ARHGEF10L: variants seen among roughly 807,000 people sequenced by gnomAD.
ARHGEF10L encodes Rho guanine nucleotide exchange factor 10 like.
In ARHGEF10L, 69 loss-of-function variants were observed where a neutral mutation model predicts 141.2. The observed-to-expected ratio is 0.49, with a 90% CI of 0.40 to 0.60. The LOEUF (loss-of-function observed/expected upper bound fraction) is 0.60, where lower values mean the gene tolerates loss of function less well. Ranked by LOEUF, ARHGEF10L falls within the 20% of genes least tolerant of loss-of-function variation. The pLI, the probability that ARHGEF10L is intolerant of heterozygous loss-of-function variation, is 0.00. For synonymous variants in ARHGEF10L, 711 were observed against 718.5 expected (o/e 0.99, Z 0.17); for missense variants, 1,482 against 1,734.3 (o/e 0.85, Z 2.58).
chr1:17,552,571 GTTTTTTTTTTTTTTT>G (rs34766409), intron 1 of ARHGEF10L, among the ~76,000 whole-genome samples: 8 of 44,936 alleles, frequency 1.8e-4, no homozygotes, highest in African/African-American at 7.0e-4. Context: ...GCTAATTTTC[GTTTTTTTTTTTTTTT>G]TTTTTTTTTT....
In ARHGEF10L at chr1:17,694,848, G is replaced by A. The variant is rs1010882518; in HGVS notation, c.3185-310G>A. 16 of 522,552 alleles carry A rather than the reference G, an allele frequency of 3.1e-5. No individual in the cohort carries two copies. In the Middle Eastern group the frequency reaches 8.7e-4, roughly 28 times the overall value. The allele number at this position is 522,552 out of a possible 1,614,324, so 32.4% of individuals were successfully genotyped here. The stretch of plus-strand genomic sequence containing the variant: ...ACCCTTTGTGCCGGATGACCTGGCC[G>A]CCGTGTATTGAGAGCGCACACAGAC... On this transcript the variant is annotated intron_variant, in intron 27 of 28. Coordinates refer to ENST00000361221, the MANE Select transcript of ARHGEF10L (RefSeq NM_018125.4).
intron 15 of ARHGEF10L, among the ~76,000 whole-genome samples, chr1:17,628,852 C>G (rs1300540422): frequency 6.6e-6 from 1 of 152,138 alleles, no homozygotes; most frequent in East Asian, 1.9e-4. Context: ...TAACCTGCAT[C>G]AGCATCTTTG....
intron 9 of ARHGEF10L, chr1:17,618,460 A>T: frequency 6.8e-7 from 1 of 1,466,602 alleles, no homozygotes; most frequent in South Asian, 1.4e-5. Context: ...GGTCTGCACC[A>T]CCCCCACCCC....
chr1:17,582,092 G>T (rs544113448), intron 2 of ARHGEF10L, among the ~76,000 whole-genome samples: 1 of 152,194 alleles, frequency 6.6e-6, no homozygotes, highest in South Asian at 2.1e-4. Context: ...GTGCTGGGAT[G>T]GGCCTCCTGA....
At chr1:17,666,646 C>A (rs1163301381) in intron 26 of ARHGEF10L, among the ~76,000 whole-genome samples, 1 of 152,092 alleles carries the variant, frequency 6.6e-6, no homozygotes, top group African/African-American at 2.4e-5. Context: ...TCCCCTTTCT[C>A]CCCCAAGAAC....
chr1:17,543,364 C>T (rs953139526), intron 1 of ARHGEF10L, among the ~76,000 whole-genome samples: 3 of 152,224 alleles, frequency 2.0e-5, no homozygotes, highest in African/African-American at 7.2e-5. Flanking sequence ...AGGCAGATCC[C>T]CTGAGGTCGG....
chr1:17,535,041 CTAT>C (rs1473933441), upstream of ARHGEF10L, among the ~76,000 whole-genome samples: 1 of 152,048 alleles, frequency 6.6e-6, no homozygotes, highest in Non-Finnish European at 1.5e-5. Flanking sequence ...CACTTTATTT[CTAT>C]TATTATATTG....
chr1:17,666,093 C>T (rs562258433), intron 26 of ARHGEF10L, among the ~76,000 whole-genome samples: 1 of 152,282 alleles, frequency 6.6e-6, no homozygotes, highest in South Asian at 2.1e-4. Context: ...TGGGTGAGGC[C>T]CACCCACACT....
chr1:17,620,980 C>T (rs1165048700), intron 10 of ARHGEF10L, among the ~76,000 whole-genome samples: 1 of 152,144 alleles, frequency 6.6e-6, no homozygotes, highest in Non-Finnish European at 1.5e-5. Context: ...GTGCAAGCCA[C>T]ACCATGCTCG....
At chr1:17,655,436 T>TCTCC (rs2062171023) in intron 23 of ARHGEF10L, among the ~76,000 whole-genome samples, 1 of 134,638 alleles carries the variant, frequency 7.4e-6, no homozygotes, top group Admixed American at 7.4e-5. Context: ...GTCTATCATC[T>TCTCC]GTCCATCCAT....
At chr1:17,593,253 G>A (rs2079745303) in intron 4 of ARHGEF10L, among the ~76,000 whole-genome samples, 1 of 152,186 alleles carries the variant, frequency 6.6e-6, no homozygotes, top group Non-Finnish European at 1.5e-5. Flanking sequence ...AATACTAACA[G>A]CCTACACGTG....
In ARHGEF10L at chr1:17,624,391, C is replaced by G; in HGVS notation, c.1205C>G (p.Ser402Cys). 1 of 1,613,784 alleles carries G rather than the reference C, an allele frequency of 6.2e-7. No individual in the cohort carries two copies. Among genetic ancestry groups the G allele is most frequent in the Non-Finnish European group, 8.5e-7 (1 of 1,179,688 alleles). The part of the protein sequence containing the change: ...KIGDLFVASF[S>C]KSMVLDVYSD... ...CCCACACCTGCCTTGTTTCAGTTTT[C>G]CAAGTCCATGGTGCTAGATGTGTAC... Residue 402 changes from serine (S) to cysteine (C), a missense_variant, in exon 13 of 29, where the codon TCC (serine) becomes TGC (cysteine). Around this residue, in one of 3 missense-constraint regions of ARHGEF10L, gnomAD observed 392 missense variants for 542.1 expected, o/e 0.72. Transcript: ENST00000361221.
chr1:17,567,635 T>C (rs532354167), intron 1 of ARHGEF10L, among the ~76,000 whole-genome samples: 2 of 152,320 alleles, frequency 1.3e-5, no homozygotes, highest in South Asian at 4.1e-4. Context: ...CCCAAAGTGC[T>C]GGGATTACAG....
In ARHGEF10L at chr1:17,618,373, G is replaced by A; in HGVS notation, c.836-966G>A. Reference sequence around the variant, plus strand: ...CCAAGAATGTTACCCAGCAGCTCGTGGGGGAAGAGGAAGCTGCGAGGCAGG... The same window carrying A: ...CCAAGAATGTTACCCAGCAGCTCGTAGGGGAAGAGGAAGCTGCGAGGCAGG... On this transcript the variant is annotated intron_variant, in intron 9 of 28. Transcript: ENST00000361221. 1.9e-6 allele frequency: 3 copies of A among 1,541,798 alleles called. No homozygotes were observed. In the South Asian group the frequency reaches 3.6e-5, roughly 18 times the overall value.
chr1:17,645,599 A>G (rs2061553405), intron 21 of ARHGEF10L, among the ~76,000 whole-genome samples: 1 of 151,990 alleles, frequency 6.6e-6, no homozygotes, highest in African/African-American at 2.4e-5. Flanking sequence ...GTTCCTTGAG[A>G]GCAGGGACAA....
chr1:17,606,737 C>G (rs1305842565), intron 6 of ARHGEF10L, among the ~76,000 whole-genome samples: 1 of 152,140 alleles, frequency 6.6e-6, no homozygotes, highest in Non-Finnish European at 1.5e-5. Flanking sequence ...CTGCAGTTCT[C>G]CAGGTAACAG....
chr1:17,629,897 C>G (rs889817855), intron 15 of ARHGEF10L, among the ~76,000 whole-genome samples: 6 of 152,206 alleles, frequency 3.9e-5, no homozygotes, highest in Non-Finnish European at 8.8e-5. Context: ...GGAGAGGCCT[C>G]TTGGGAGGAG....
intron 4 of ARHGEF10L, among the ~76,000 whole-genome samples, 167 bp from the exon 5 acceptor site, chr1:17,601,960 T>C (rs2080723000): frequency 6.6e-6 from 1 of 152,192 alleles, no homozygotes; most frequent in African/African-American, 2.4e-5. Flanking sequence ...CTTCTAAAGA[T>C]GAGGAGCCTG....
chr1:17,605,735 C>T (rs2101002443), intron 6 of ARHGEF10L, among the ~76,000 whole-genome samples: 1 of 152,262 alleles, frequency 6.6e-6, no homozygotes. Flanking sequence ...GTGCACGGCT[C>T]AGCCCTGTGG....
Sources: allele counts gnomAD v4.1 joint callset (sites outside exome capture counted in the v4.1 genomes callset), GRCh38; gene constraint gnomAD v4.1.1; regional missense constraint gnomAD v4.1.1; transcripts MANE v1.5; gene names NCBI Gene and HGNC (gene_info 2026-07-23, HGNC 2026-07-21).